CAMTA1: variants seen among roughly 807,000 people sequenced by gnomAD.
The protein encoded by CAMTA1 is calmodulin binding transcription activator 1.
CAMTA1 carries 27 observed loss-of-function variants against 170.9 expected under a neutral mutation model. The observed-to-expected ratio is 0.16, with a 90% CI of 0.12 to 0.22. The LOEUF (loss-of-function observed/expected upper bound fraction) is 0.22. Among genes scored for constraint, CAMTA1 ranks in the 10% least tolerant of loss-of-function variants. The pLI, the probability that CAMTA1 is intolerant of heterozygous loss-of-function variation, is 1.00. For missense variants in CAMTA1, 1,619 were observed against 2,217.2 expected, an observed-to-expected ratio of 0.73 and a Z score of 5.42; for synonymous variants, 833 against 891.5, an observed-to-expected ratio of 0.93 and a Z score of 1.17.
At chr1:7,737,174 G>A in intron 14 of CAMTA1, 81 bp from the exon 15 acceptor site, 1 of 1,458,390 alleles carries the variant, frequency 6.9e-7, no homozygotes, top group Non-Finnish European at 9.4e-7. Flanking sequence ...GGACCAGTTT[G>A]TCAGTTGGCA....
chr1:7,631,250 AC>A (rs1362168125), intron 6 of CAMTA1, among the ~76,000 whole-genome samples: 2 of 152,250 alleles, frequency 1.3e-5, no homozygotes. Flanking sequence ...CCCTGGACCT[AC>A]TTTTGCTCTG....
At chr1:7,670,281 T>C (rs1328734636) in intron 9 of CAMTA1, among the ~76,000 whole-genome samples, 1 of 152,064 alleles carries the variant, frequency 6.6e-6, no homozygotes, top group Non-Finnish European at 1.5e-5. Context: ...AGCCCCAAAC[T>C]CAGCTCCCAG....
chr1:6,803,400 C>A lies in CAMTA1; in HGVS notation c.46-16781C>A, dbSNP rs550905563. 2.6e-4 allele frequency among the ~76,000 whole-genome samples: 39 copies of A among 152,286 alleles called. 1 individual carries two copies. The highest frequency in any genetic ancestry group is 7.2e-4 in the African/African-American group (30 of 41,548). ...GTCCTTCACCTTTTCCTTAGTATAT[C>A]CCTCCTGCCTCTGATCTCTTGTTGT... On this transcript the variant is annotated intron_variant, in intron 1 of 22. Transcript: ENST00000303635.
rs2150258523 is a variant in CAMTA1 at position 7,561,359 on chromosome 1, C to T, written c.511-79041C>T. Among the ~76,000 whole-genome samples the T allele has an allele frequency of 6.6e-6, 1 of 151,932 alleles. No individual in the cohort carries two copies. Among genetic ancestry groups the T allele is most frequent in the South Asian group, 2.1e-4 (1 of 4,790 alleles). ...GGTGATGGAGGGACAGAGGGACAGG[C>T]AGAGAGGCCGGCGGGCAGCAGGCCA... On this transcript the variant is annotated intron_variant, in intron 6 of 22. Coordinates refer to ENST00000303635, the MANE Select transcript of CAMTA1 (RefSeq NM_015215.4). This position sits in a 1 kb window ranked among gnomAD's most constrained non-coding sequence, Gnocchi z 5.3.
intron 5 of CAMTA1, among the ~76,000 whole-genome samples, chr1:7,454,838 G>A (rs2092913059): frequency 6.6e-6 from 1 of 152,070 alleles, no homozygotes; most frequent in African/African-American, 2.4e-5. Flanking sequence ...AGGAAGGTTG[G>A]CTTCTCCTCT....
chr1:7,148,113 G>A lies in CAMTA1; in HGVS notation c.302+56742G>A, dbSNP rs142960505. On this transcript the variant is annotated intron_variant, in intron 4 of 22. Transcript: ENST00000303635. ...ACACTCAAACATACACCACACACAC[G>A]CACACACACTAAAAATACACAATGC... Among the ~76,000 whole-genome samples, 29 of 141,146 alleles carry A rather than the reference G, an allele frequency of 2.1e-4. 1 individual carries two copies. In the East Asian group the frequency reaches 3.0e-3, roughly 15 times the overall value. The allele number at this position is 141,146 out of a possible 152,430, so 92.6% of individuals were successfully genotyped here. A position where few individuals can be genotyped will look rare whatever the true frequency, so the allele number is the denominator to read the frequency against.
chr1:7,684,970 C>T (rs1281381103), intron 11 of CAMTA1, among the ~76,000 whole-genome samples: 4 of 152,152 alleles, frequency 2.6e-5, no homozygotes, highest in African/African-American at 7.2e-5. Context: ...GTGAAGAAGC[C>T]GCGCAGGTTA....
In CAMTA1 at chr1:7,592,234, C is replaced by T. The variant is rs555071638; in HGVS notation, c.511-48166C>T. Among the ~76,000 whole-genome samples, 17 of 152,296 alleles carry T rather than the reference C, an allele frequency of 1.1e-4. No individual in the cohort carries two copies. The South Asian group carries it at 3.5e-3, about 32-fold the overall frequency. On this transcript the variant is annotated intron_variant, in intron 6 of 22. Transcript: ENST00000303635. The surrounding 1 kb of genome is among the most constrained non-coding windows in gnomAD (Gnocchi z 4.6). ...GTTTAGATCTCAGCTCAGTGGCCCT[C>T]TTTGAAGGCCCCTTCCCCAACCACG...
intron 6 of CAMTA1, among the ~76,000 whole-genome samples, chr1:7,628,218 G>A (rs2095646259): frequency 6.6e-6 from 1 of 152,170 alleles, no homozygotes; most frequent in African/African-American, 2.4e-5. Flanking sequence ...AGGAGCACTA[G>A]ATTTCATTCT....
chr1:6,804,579 A>C (rs927246596), intron 1 of CAMTA1, among the ~76,000 whole-genome samples: 2 of 152,110 alleles, frequency 1.3e-5, no homozygotes, highest in Non-Finnish European at 2.9e-5. Context: ...TAGTGTGAAC[A>C]TTTCATATAA....
intron 5 of CAMTA1, among the ~76,000 whole-genome samples, chr1:7,427,537 A>C (rs750099503): frequency 2.6e-5 from 4 of 152,184 alleles, no homozygotes; most frequent in South Asian, 2.1e-4. Context: ...AAGCTGTATA[A>C]ATAGTATTTT....
chr1:7,160,471 G>GT (rs949470925), intron 4 of CAMTA1, among the ~76,000 whole-genome samples: 11 of 149,934 alleles, frequency 7.3e-5, no homozygotes, highest in Non-Finnish European at 1.2e-4. Flanking sequence ...TCTGAGCCCC[G>GT]TTTTTTTTTC....
chr1:7,220,033 A>C (rs1660461253), intron 4 of CAMTA1, among the ~76,000 whole-genome samples: 1 of 152,172 alleles, frequency 6.6e-6, no homozygotes, highest in Non-Finnish European at 1.5e-5. Context: ...GACCTGTGAG[A>C]CATAAATGTC....
chr1:7,756,000 G>A (rs1184158827), intron 22 of CAMTA1, among the ~76,000 whole-genome samples: 3 of 152,132 alleles, frequency 2.0e-5, no homozygotes, highest in Admixed American at 1.3e-4. Flanking sequence ...ATAACGCTGC[G>A]TTATACGAAA....
intron 3 of CAMTA1, among the ~76,000 whole-genome samples, chr1:7,011,183 G>A (rs545446740): frequency 3.9e-4 from 59 of 152,292 alleles, no homozygotes; most frequent in Non-Finnish European, 7.6e-4. Flanking sequence ...CAGTGTTCCA[G>A]TTTGGATTGT....
intron 1 of CAMTA1, among the ~76,000 whole-genome samples, chr1:6,797,390 G>GT (rs766109901): frequency 0.025 from 3,497 of 142,286 alleles, 123 homozygotes; most frequent in African/African-American, 0.079. Flanking sequence ...TATTTACTGG[G>GT]TTTTTTTTTT....
At chr1:7,124,349 T>C (rs1382136495) in intron 4 of CAMTA1, among the ~76,000 whole-genome samples, 1 of 152,204 alleles carries the variant, frequency 6.6e-6, no homozygotes, top group Non-Finnish European at 1.5e-5. Flanking sequence ...GTCCCTCCCG[T>C]TGTGGAAGCA....
intron 6 of CAMTA1, among the ~76,000 whole-genome samples, chr1:7,587,417 G>A (rs551333154): frequency 4.6e-5 from 7 of 152,184 alleles, no homozygotes; most frequent in East Asian, 1.9e-4. Context: ...CTGCGTCTGC[G>A]GTGAGTCGGC....
chr1:7,170,721 T>C (rs2148822550), intron 4 of CAMTA1, among the ~76,000 whole-genome samples: 1 of 152,328 alleles, frequency 6.6e-6, no homozygotes, highest in East Asian at 1.9e-4. Context: ...TCATTGATGA[T>C]CATTTGGGTT....
Sources: gnomAD v4.1 joint callset for allele counts (sites outside exome capture counted in the v4.1 genomes callset) on GRCh38, gnomAD v4.1.1 for gene constraint, Gnocchi (gnomAD v3.1) non-coding constraint, MANE v1.5 for transcripts, NCBI Gene and HGNC (gene_info 2026-07-23, HGNC 2026-07-21) for gene names.